MAG: variants seen among roughly 807,000 people sequenced by gnomAD.
MAG encodes myelin associated glycoprotein.
MAG carries 30 observed loss-of-function variants against 60.7 expected under a neutral mutation model. That is an observed-to-expected ratio of 0.49 (90% CI 0.37 to 0.67). The LOEUF is 0.67. MAG is among the 30% of genes least tolerant of loss of function. MAG has a pLI of 0.00. For synonymous variants in MAG, 384 were observed against 376.8 expected (o/e 1.02, Z -0.22); for missense variants, 795 against 851.7 (o/e 0.93, Z 0.83).
intron 10 of MAG, among the ~76,000 whole-genome samples, chr19:35,313,001 T>C (rs2066539781): frequency 6.6e-6 from 1 of 152,140 alleles, no homozygotes; most frequent in Non-Finnish European, 1.5e-5. Flanking sequence ...ATCGAGCCAT[T>C]GCAATCCAGC....
In MAG at chr19:35,309,961, C is replaced by T. The variant is rs1276359720; in HGVS notation, c.1319C>T (p.Pro440Leu). Residue 440 changes from proline to leucine, a missense_variant, in exon 8 of 11, where the codon CCG (proline) becomes CTG (leucine). Transcript: ENST00000392213. Reference sequence around the variant, plus strand: ...TGCGTGGTGAAGTCCAACCCGGAGCCGTCCGTGGCCTTTGAGCTGCCATCG... The same window carrying T: ...TGCGTGGTGAAGTCCAACCCGGAGCTGTCCGTGGCCTTTGAGCTGCCATCG... ...CLCVVKSNPE[P>L]SVAFELPSRN... The T allele has an allele frequency of 6.2e-7, 1 of 1,614,026 alleles. No homozygotes were observed. The highest frequency in any genetic ancestry group is 8.5e-7 in the Non-Finnish European group (1 of 1,179,936).
At chr19:35,308,176 C>T (rs1187577825) in intron 7 of MAG, among the ~76,000 whole-genome samples, 1 of 151,998 alleles carries the variant, frequency 6.6e-6, no homozygotes, top group Non-Finnish European at 1.5e-5. Flanking sequence ...ATACGTGGAG[C>T]GAGGTGCAGC....
chr19:35,299,600 G>T lies in MAG; in HGVS notation c.462G>T (p.Glu154Asp). The change falls in exon 5 of 11, where the codon GAG becomes GAT. Residue 154 changes from glutamate (E) to aspartate (D), a missense_variant. By Grantham distance (45) the Glu-to-Asp change is conservative (BLOSUM62 2). Transcript: ENST00000392213. ...CCCCAGAGGTGGTGGCAGGCACGGA[G>T]GTGGAGGTCAGCTGCATGGTGCCGG... ...VVPPEVVAGT[E>D]VEVSCMVPDN... is the part of the protein sequence containing the mutation. 1 of 1,605,654 alleles carries T rather than the reference G, an allele frequency of 6.2e-7. No homozygotes were observed. Among genetic ancestry groups the T allele is most frequent in the Non-Finnish European group, 8.5e-7 (1 of 1,174,550 alleles).
At chr19:35,301,394 G>A (rs2066447033) in intron 6 of MAG, among the ~76,000 whole-genome samples, 1 of 149,306 alleles carries the variant, frequency 6.7e-6, no homozygotes, top group Non-Finnish European at 1.5e-5. Flanking sequence ...AATAATGACA[G>A]CCGCAGCCAA....
rs200985141 is a variant in MAG at position 35,300,143 on chromosome 19, T to C, written c.713-4T>C. ...CACTAACCTCGCTGTGTCGCGGGCC[T>C]TAGACCCCCCGGTGATTGTGGAGAT... is the stretch of plus-strand genomic sequence containing the variant. On this transcript the variant is annotated splice_polypyrimidine_tract_variant and splice_region_variant and intron_variant, in intron 5 of 10. Coordinates refer to ENST00000392213, the MANE Select transcript of MAG (RefSeq NM_002361.4). 6.5e-6 allele frequency: 10 copies of C among 1,527,660 alleles called. No individual in the cohort carries two copies. The highest frequency in any genetic ancestry group is 7.9e-6 in the Non-Finnish European group (9 of 1,134,432). 94.6% of individuals were successfully genotyped at this position (1,527,660 alleles called of 1,614,324 possible). A position where few individuals can be genotyped will look rare whatever the true frequency, so the allele number is the denominator to read the frequency against.
intron 4 of MAG, among the ~76,000 whole-genome samples, chr19:35,299,063 A>ACG (rs35981904): frequency 1.3e-5 from 2 of 151,748 alleles, no homozygotes; most frequent in East Asian, 3.9e-4. Flanking sequence ...ACACACACAC[A>ACG]TACCTACACA....
chr19:35,313,156 C>A, intron 10 of MAG, 134 bp from the exon 11 acceptor site: 1 of 934,916 alleles, frequency 1.1e-6, no homozygotes, highest in Non-Finnish European at 1.5e-6. Context: ...GGCCTGCGGT[C>A]CTTGAGAAAG....
intron 4 of MAG, among the ~76,000 whole-genome samples, chr19:35,297,037 G>C (rs569540437): frequency 6.9e-6 from 1 of 145,982 alleles, no homozygotes; most frequent in South Asian, 2.2e-4. Context: ...GAGGCAGGGG[G>C]ATCCCTGAAA....
intron 10 of MAG, chr19:35,312,582 T>G: frequency 1.7e-6 from 1 of 582,756 alleles, no homozygotes; most frequent in Non-Finnish European, 3.1e-6. Flanking sequence ...ACATGTCACC[T>G]GCAGGACCTC....
chr19:35,297,211 ACAC>A (rs55955849), intron 4 of MAG, among the ~76,000 whole-genome samples: 18,514 of 132,694 alleles, frequency 0.14, 1,474 homozygotes, highest in Non-Finnish European at 0.19. Context: ...CACACCACAC[ACAC>A]CACACCAAGC....
intron 7 of MAG, among the ~76,000 whole-genome samples, chr19:35,305,865 G>A (rs1001606918): frequency 6.6e-5 from 10 of 152,302 alleles, no homozygotes; most frequent in African/African-American, 2.4e-4. Flanking sequence ...TGAGGCAGGA[G>A]AATCGCTTGA....
chr19:35,298,003 A>C (rs2066415106), intron 4 of MAG, among the ~76,000 whole-genome samples: 1 of 148,834 alleles, frequency 6.7e-6, no homozygotes, highest in Non-Finnish European at 1.5e-5. Flanking sequence ...CACACTGCAC[A>C]TACTACCCAC....
rs1233822541 is a variant in MAG at position 35,310,544 on chromosome 19, C to T, written c.1520-3C>T. On this transcript the variant is annotated splice_region_variant and splice_polypyrimidine_tract_variant and intron_variant, in intron 8 of 10. Coordinates refer to ENST00000392213, the MANE Select transcript of MAG (RefSeq NM_002361.4). ...AGGGCGCCTGGGTCTTTTCTGTCCT[C>T]AGATCGACTGATGTGGGCCAAGATC... is the stretch of plus-strand genomic sequence containing the variant. 1 of 1,614,058 alleles carries T rather than the reference C, an allele frequency of 6.2e-7. No individual in the cohort carries two copies. The highest frequency in any genetic ancestry group is 8.5e-7 in the Non-Finnish European group (1 of 1,179,944).
rs764176386 is a variant in MAG, at chr19:35,312,350, C to G, written c.1716+333C>G. The G allele has an allele frequency of 2.5e-6, 4 of 1,606,036 alleles. No homozygotes were observed. The East Asian group carries it at 8.9e-5, about 36-fold the overall frequency. ...GGTAGGTTCCGGGGGCCTCAGTGTG[C>G]CCTCCTCTGGGCCCTCCTTGGGCCC... On this transcript the variant is annotated intron_variant, in intron 10 of 10. Coordinates refer to ENST00000392213, the MANE Select transcript of MAG (RefSeq NM_002361.4).
chr19:35,310,217 T>A, intron 8 of MAG, 56 bp downstream of exon 8: 2 of 1,555,062 alleles, frequency 1.3e-6, no homozygotes, highest in Non-Finnish European at 1.7e-6. Context: ...ACGTCTTAGA[T>A]CCAAGCTCCC....
At chr19:35,294,164 T>C (rs959120804) in intron 1 of MAG, 71 bp from the exon 2 acceptor site, 2 of 372,094 alleles carry the variant, frequency 5.4e-6, no homozygotes, top group Non-Finnish European at 1.1e-5. Context: ...ATGCAGGAGA[T>C]ACTGAAGCGG....
intron 7 of MAG, among the ~76,000 whole-genome samples, chr19:35,306,123 C>A (rs1568474674): frequency 9.4e-6 from 1 of 106,700 alleles, no homozygotes; most frequent in Non-Finnish European, 1.9e-5. Context: ...TCCCATCCCC[C>A]CACTCCAGCC....
chr19:35,299,547 C>T lies in MAG; in HGVS notation c.416-7C>T, dbSNP rs200245689. ...TTCTCAGCCCTCCCTTTCCCCGCCT[C>T]GTATAGACACCCCCAACATCGTGGT... On this transcript the variant is annotated splice_polypyrimidine_tract_variant and splice_region_variant and intron_variant, in intron 4 of 10. Transcript: ENST00000392213. The T allele has an allele frequency of 1.3e-6, 2 of 1,573,566 alleles. No homozygotes were observed. The highest frequency in any genetic ancestry group is 2.3e-5 in the South Asian group (2 of 86,778).
intron 7 of MAG, among the ~76,000 whole-genome samples, chr19:35,303,686 G>C (rs1599653755): frequency 6.6e-6 from 1 of 152,292 alleles, no homozygotes; most frequent in East Asian, 1.9e-4. Flanking sequence ...AATAGCTGGA[G>C]AGATGACACA....
Sources: gnomAD v4.1 joint callset for allele counts (sites outside exome capture counted in the v4.1 genomes callset) on GRCh38, gnomAD v4.1.1 for gene constraint, MANE v1.5 for transcripts, NCBI Gene and HGNC (gene_info 2026-07-23, HGNC 2026-07-21) for gene names.